The following ASPH variants were observed in gnomAD, a reference collection of about 807,000 sequenced individuals.
The protein encoded by ASPH is aspartate beta-hydroxylase, also known as aspartyl/asparaginyl beta-hydroxylase.
A neutral mutation model predicts 118.4 loss-of-function variants in ASPH; 100 were observed. The observed-to-expected ratio is 0.84, with a 90% CI of 0.72 to 1.00. The LOEUF is 1.00. ASPH is among the 50% of genes least tolerant of loss of function. ASPH has a pLI of 0.00. For synonymous variants in ASPH, 315 were observed against 325.6 expected (o/e 0.97, Z 0.35); for missense variants, 920 against 919.5 (o/e 1.00, Z -0.01).
intron 15 of ASPH, among the ~76,000 whole-genome samples, chr8:61,577,514 G>A (rs1415582918): frequency 6.6e-6 from 1 of 150,680 alleles, no homozygotes; most frequent in Admixed American, 6.6e-5. Context: ...CCATGTTCTC[G>A]AATATTGTAT....
chr8:61,583,846 T>G (rs1838389002), intron 15 of ASPH, 98 bp downstream of exon 15: 7 of 871,274 alleles, frequency 8.0e-6, no homozygotes, highest in Non-Finnish European at 1.2e-5. Flanking sequence ...CAACTGTTGT[T>G]TCTTTTACAC....
chr8:61,694,647 G>C (rs1427394758), intron 1 of ASPH, among the ~76,000 whole-genome samples: 1 of 152,050 alleles, frequency 6.6e-6, no homozygotes, highest in Admixed American at 6.5e-5. Flanking sequence ...GTAGTTTTCA[G>C]TCTCCTTTGC....
intron 21 of ASPH, among the ~76,000 whole-genome samples, chr8:61,542,909 T>TC (rs1822472873): frequency 6.6e-6 from 1 of 152,212 alleles, no homozygotes; most frequent in South Asian, 2.1e-4. Context: ...TTGCCTTCTC[T>TC]CCTCTATGGT....
intron 24 of ASPH, among the ~76,000 whole-genome samples, chr8:61,513,980 T>G (rs1445247706): frequency 6.6e-6 from 1 of 152,136 alleles, no homozygotes; most frequent in Non-Finnish European, 1.5e-5. Context: ...TCTCCCAGCA[T>G]CACTCCTGCA....
chr8:61,608,412 A>G (rs781481588), intron 14 of ASPH, among the ~76,000 whole-genome samples: 18 of 152,182 alleles, frequency 1.2e-4, no homozygotes, highest in Non-Finnish European at 2.2e-4. Context: ...CATGAGAAGG[A>G]AGCACTGCAA....
intron 3 of ASPH, chr8:61,657,485 C>A (rs959728514): frequency 6.6e-6 from 1 of 152,076 alleles, no homozygotes; most frequent in Non-Finnish European, 1.5e-5. Flanking sequence ...ATACTGTAGA[C>A]AATTGTAACA....
At chr8:61,631,103 T>C (rs542799978) in intron 13 of ASPH, among the ~76,000 whole-genome samples, 55 of 152,336 alleles carry the variant, frequency 3.6e-4, no homozygotes, top group African/African-American at 1.1e-3. Flanking sequence ...CTATATGATA[T>C]GTTTGTGTTT....
chr8:61,597,486 C>T (rs79522207), intron 14 of ASPH, among the ~76,000 whole-genome samples: 2,726 of 152,246 alleles, frequency 0.018, 35 homozygotes, highest in Middle Eastern at 0.054. Flanking sequence ...TAATAGCTTT[C>T]AAACTTCTCA....
At chr8:61,519,182 TGTAA>T (rs1355227425) in intron 22 of ASPH, among the ~76,000 whole-genome samples, 19 of 152,362 alleles carry the variant, frequency 1.2e-4, no homozygotes, top group Non-Finnish European at 1.5e-5. Flanking sequence ...ATGTATGGTC[TGTAA>T]GTGCTTCCAT....
At chr8:61,571,543 C>T (rs904509530) in intron 16 of ASPH, among the ~76,000 whole-genome samples, 13 of 151,978 alleles carry the variant, frequency 8.6e-5, no homozygotes, top group Middle Eastern at 3.4e-3. Context: ...CATTTTTATT[C>T]GTATTATTTT....
intron 21 of ASPH, among the ~76,000 whole-genome samples, chr8:61,536,555 AG>A (rs1285145124): frequency 6.6e-6 from 1 of 152,192 alleles, no homozygotes; most frequent in Non-Finnish European, 1.5e-5. Context: ...GGAAGCTAGA[AG>A]TGGCTAACTA....
At chr8:61,571,809 A>G (rs190077866) in intron 16 of ASPH, among the ~76,000 whole-genome samples, 191 of 152,324 alleles carry the variant, frequency 1.3e-3, no homozygotes, top group African/African-American at 4.1e-3. Flanking sequence ...TCTAGTTAAT[A>G]TGCTTCTCTT....
At position 61,642,897 on chromosome 8, in the gene ASPH, CAT is replaced by C; in HGVS notation, c.779_780del (p.Tyr260Ter). The C allele has an allele frequency of 6.5e-7, 1 of 1,531,516 alleles. No individual in the cohort carries two copies. Among genetic ancestry groups the C allele is most frequent in the Non-Finnish European group, 8.8e-7 (1 of 1,141,970 alleles). 94.9% of individuals were successfully genotyped at this position (1,531,516 alleles called of 1,614,324 possible). ...HDTDDVTYQVYEEQAVYEPLE... is the reference protein window; with the variant it reads ...HDTDDVTYQVXEEQAVYEPLE... Reference sequence around the variant, plus strand: ...GAAAGCATTTGCAAACCTTGTTCCTCATAGACTTGGTATGTTACATCATCTGA... The same window carrying C: ...GAAAGCATTTGCAAACCTTGTTCCTCAGACTTGGTATGTTACATCATCTGA... On this transcript the variant is annotated frameshift_variant, in exon 10 of 25. Coordinates refer to ENST00000379454, the MANE Select transcript of ASPH (RefSeq NM_004318.4). LOFTEE classifies it high-confidence loss of function.
At chr8:61,705,125 TC>T (rs1836268539) in intron 1 of ASPH, among the ~76,000 whole-genome samples, 1 of 152,154 alleles carries the variant, frequency 6.6e-6, no homozygotes, top group South Asian at 2.1e-4. Flanking sequence ...GAGGCCACTA[TC>T]CTAAGCAAAC....
At chr8:61,661,521 G>C in intron 3 of ASPH, 1 of 157,306 alleles carries the variant, frequency 6.4e-6, no homozygotes, top group Non-Finnish European at 1.4e-5. Context: ...ATTATTACCA[G>C]TGGGCATTAA....
Position 61,562,751 on chromosome 8 carries a change from T to C in ASPH, c.1430A>G (p.Tyr477Cys). The C allele has an allele frequency of 6.2e-7, 1 of 1,607,068 alleles. No individual in the cohort carries two copies. The highest frequency in any genetic ancestry group is 8.5e-7 in the Non-Finnish European group (1 of 1,177,770). ...TACAAGATTGATGCTTACCTCTTCA[T>C]AAACTTTCTTTGCATTGTCATTATC... is the stretch of plus-strand genomic sequence containing the variant. ...IGDNDNAKKV[Y>C]EEVLSVTPND... Residue 477 changes from tyrosine (Y) to cysteine (C), a missense_variant, in exon 18 of 25, where the codon TAT becomes TGT. Physicochemically the swap from Tyr to Cys is radical, Grantham distance 194. Coordinates refer to ENST00000379454, the MANE Select transcript of ASPH (RefSeq NM_004318.4).
At chr8:61,670,133 TCTGAAGA>T in intron 3 of ASPH, among the ~76,000 whole-genome samples, 1 of 151,864 alleles carries the variant, frequency 6.6e-6, no homozygotes, top group South Asian at 2.1e-4. Context: ...ACATTCAGTT[TCTGAAGA>T]AAAGTATATA....
At chr8:61,696,073 T>C (rs796917658) in intron 1 of ASPH, among the ~76,000 whole-genome samples, 2 of 152,308 alleles carry the variant, frequency 1.3e-5, no homozygotes, top group African/African-American at 4.8e-5. Flanking sequence ...CACAGTTCTA[T>C]CTCAGGTGAA....
intron 17 of ASPH, among the ~76,000 whole-genome samples, chr8:61,565,354 T>C (rs1831336700): frequency 6.6e-6 from 1 of 152,340 alleles, no homozygotes; most frequent in Middle Eastern, 3.4e-3. Context: ...TCAACCTCCA[T>C]GAATCATTTT....
Sources: allele counts gnomAD v4.1 joint callset (sites outside exome capture counted in the v4.1 genomes callset), GRCh38; gene constraint gnomAD v4.1.1; transcripts MANE v1.5; gene names NCBI Gene and HGNC (gene_info 2026-07-23, HGNC 2026-07-21).